The following MED13L variants were observed in gnomAD, a reference collection of about 807,000 sequenced individuals.
MED13L encodes mediator complex subunit 13L, also known as mediator of RNA polymerase II transcription subunit 13-like.
A neutral mutation model predicts 220.9 loss-of-function variants in MED13L; 7 were observed. The ratio of observed to expected loss-of-function variants is 0.03; its 90% CI spans 0.02 to 0.06. The LOEUF is 0.06. Among genes scored for constraint, MED13L ranks in the 10% least tolerant of loss-of-function variants. The probability of loss-of-function intolerance (pLI) is 1.00; values close to 1 mark genes in which losing one functional copy is unlikely to be tolerated. For synonymous variants in MED13L, 1,011 were observed against 1,015.2 expected, an observed-to-expected ratio of 1.00 and a Z score of 0.08; for missense variants, 1,965 against 2,760.5, an observed-to-expected ratio of 0.71 and a Z score of 6.46.
chr12:116,165,570 C>T (rs776005640), intron 2 of MED13L, among the ~76,000 whole-genome samples: 13 of 151,472 alleles, frequency 8.6e-5, no homozygotes, highest in Non-Finnish European at 1.5e-4. Flanking sequence ...ACCTCGTGAT[C>T]CCCCCCGCCT....
intron 23 of MED13L, 101 bp downstream of exon 23, chr12:115,980,649 G>C: frequency 7.9e-7 from 1 of 1,263,882 alleles, no homozygotes; most frequent in Non-Finnish European, 1.1e-6. Context: ...CAATGTAGAA[G>C]ACCAACTAAG....
intron 19 of MED13L, among the ~76,000 whole-genome samples, chr12:115,985,088 C>T (rs1333068641): frequency 6.6e-6 from 1 of 152,104 alleles, no homozygotes; most frequent in Non-Finnish European, 1.5e-5. Context: ...AAGGAGGTAT[C>T]AATTACTGCC....
At chr12:116,202,925 C>T (rs757089015) in intron 2 of MED13L, among the ~76,000 whole-genome samples, 23 of 152,142 alleles carry the variant, frequency 1.5e-4, no homozygotes, top group Non-Finnish European at 3.2e-4. Flanking sequence ...AGAGAAATCA[C>T]AAAGTTTTAC....
chr12:116,134,891 C>T (rs1042662507), intron 2 of MED13L, among the ~76,000 whole-genome samples: 2 of 152,062 alleles, frequency 1.3e-5, no homozygotes, highest in Non-Finnish European at 2.9e-5. Context: ...ACCATGTGGC[C>T]GGGCGCAGTG....
intron 7 of MED13L, among the ~76,000 whole-genome samples, chr12:116,019,009 A>C (rs560706351): frequency 7.2e-5 from 11 of 152,352 alleles, no homozygotes; most frequent in Middle Eastern, 6.8e-3. Context: ...CTATTTAATA[A>C]CAATAAAGAC....
chr12:116,209,062 C>A, intron 2 of MED13L, among the ~76,000 whole-genome samples: 1 of 152,032 alleles, frequency 6.6e-6, no homozygotes, highest in African/African-American at 2.4e-5. Context: ...ATTAAAGCCC[C>A]CCATCAAGCC....
chr12:116,031,690 G>A (rs865781585), intron 4 of MED13L, among the ~76,000 whole-genome samples: 1 of 31,366 alleles, frequency 3.2e-5, no homozygotes, highest in Non-Finnish European at 8.1e-5. Context: ...GAAAAGAAAA[G>A]AAAAGAAAAG....
At chr12:116,131,510 C>G (rs1003452045) in intron 2 of MED13L, among the ~76,000 whole-genome samples, 1 of 152,158 alleles carries the variant, frequency 6.6e-6, no homozygotes, top group African/African-American at 2.4e-5. Context: ...CTTCTCAAAT[C>G]CTCATCAAAT....
intron 1 of MED13L, among the ~76,000 whole-genome samples, chr12:116,257,242 C>T (rs1392452047): frequency 6.6e-6 from 1 of 152,108 alleles, no homozygotes; most frequent in East Asian, 1.9e-4. Context: ...TAAACAGAAA[C>T]GTATATTATT....
chr12:116,013,859 C>A (rs988747723), intron 8 of MED13L, among the ~76,000 whole-genome samples: 9 of 152,270 alleles, frequency 5.9e-5, no homozygotes, highest in Admixed American at 2.6e-4. Context: ...TGTCTCATCT[C>A]CCTGTTCTGT....
chr12:116,166,936 A>G (rs1014568368), intron 2 of MED13L, among the ~76,000 whole-genome samples: 3 of 152,222 alleles, frequency 2.0e-5, no homozygotes, highest in African/African-American at 7.2e-5. Flanking sequence ...TCTTTATTTT[A>G]TTGAAATTTA....
intron 2 of MED13L, among the ~76,000 whole-genome samples, chr12:116,113,950 A>C (rs902980540): frequency 6.6e-6 from 1 of 152,076 alleles, no homozygotes; most frequent in African/African-American, 2.4e-5. Context: ...AATAATCAAC[A>C]TTATGTCTCC....
chr12:115,980,876 G>A lies in MED13L; in HGVS notation c.5238C>T (p.Tyr1746=). ...MKDEQVFYIQ[Y]LKSMAFSVYC... ...ACACTGAAAATGCCATGGACTTCAA[G>A]TATTGAATGTAGAAAACTTGCTCAT... The change falls in exon 23 of 31, where the codon TAC becomes TAT. Residue 1746 remains tyrosine (Y), a synonymous_variant. Transcript: ENST00000281928. 6.2e-7 allele frequency: 1 copy of A among 1,613,582 alleles called. No individual in the cohort carries two copies. The highest frequency in any genetic ancestry group is 8.5e-7 in the Non-Finnish European group (1 of 1,180,004).
intron 4 of MED13L, among the ~76,000 whole-genome samples, chr12:116,087,533 TCAGAAAATTTTACCAAGTGTGATCACA>T (rs1871802525): frequency 6.6e-6 from 1 of 152,144 alleles, no homozygotes; most frequent in Admixed American, 6.5e-5. Flanking sequence ...GATGCCACAG[TCAGAAAATTTTACCAAGTGTGATCACA>T]CTTTTCAAAG....
intron 2 of MED13L, among the ~76,000 whole-genome samples, chr12:116,125,150 C>T (rs1194324257): frequency 2.0e-5 from 3 of 152,124 alleles, no homozygotes; most frequent in Non-Finnish European, 4.4e-5. Context: ...GTTCACAAAA[C>T]TTTGAAACCT....
At chr12:115,971,325 G>T (rs1481343803) in intron 26 of MED13L, among the ~76,000 whole-genome samples, 3 of 152,160 alleles carry the variant, frequency 2.0e-5, no homozygotes, top group Admixed American at 2.0e-4. Flanking sequence ...AGCGGCAACA[G>T]AGGTAACCTA....
intron 2 of MED13L, among the ~76,000 whole-genome samples, chr12:116,164,108 G>A (rs537498816): frequency 2.6e-5 from 4 of 151,994 alleles, no homozygotes; most frequent in African/African-American, 4.8e-5. Flanking sequence ...ACAAGTTCAC[G>A]AGCTATGACT....
chr12:116,139,731 A>G (rs1319990245), intron 2 of MED13L, among the ~76,000 whole-genome samples: 1 of 152,112 alleles, frequency 6.6e-6, no homozygotes, highest in Non-Finnish European at 1.5e-5. Context: ...GTGGTGGCTC[A>G]CGTCTGTAAT....
intron 27 of MED13L, among the ~76,000 whole-genome samples, chr12:115,970,064 G>A (rs1030608883): frequency 3.3e-5 from 5 of 152,110 alleles, no homozygotes; most frequent in African/African-American, 1.2e-4. Context: ...ACTGGTAGGT[G>A]TTATAATTTC....
Sources: allele counts gnomAD v4.1 joint callset (sites outside exome capture counted in the v4.1 genomes callset), GRCh38; gene constraint gnomAD v4.1.1; transcripts MANE v1.5; gene names NCBI Gene and HGNC (gene_info 2026-07-23, HGNC 2026-07-21).